SLIT3: variants seen among roughly 807,000 people sequenced by gnomAD.
The protein encoded by SLIT3 is slit guidance ligand 3.
A neutral mutation model predicts 184.0 loss-of-function variants in SLIT3; 68 were observed. The ratio of observed to expected loss-of-function variants is 0.37; its 90% confidence interval spans 0.30 to 0.45. The LOEUF (loss-of-function observed/expected upper bound fraction) is 0.45. SLIT3 is among the 20% of genes least tolerant of loss of function. The pLI is 1.00. For missense variants in SLIT3, 1,707 were observed against 2,026.0 expected, an observed-to-expected ratio of 0.84 and a Z score of 3.02; for synonymous variants, 831 against 828.6, an observed-to-expected ratio of 1.00 and a Z score of -0.05.
intron 4 of SLIT3, among the ~76,000 whole-genome samples, chr5:169,101,918 C>G (rs1411322268): frequency 6.6e-6 from 1 of 152,158 alleles, no homozygotes; most frequent in Admixed American, 6.5e-5. Flanking sequence ...TTTTAAACAT[C>G]CCCTCTACTC....
intron 35 of SLIT3, 59 bp from the exon 36 acceptor site, chr5:168,666,748 C>CAGTTCCCA (rs761860831): frequency 1.2e-6 from 2 of 1,611,508 alleles, no homozygotes; most frequent in African/African-American, 2.7e-5. Flanking sequence ...GGACCATGAG[C>CAGTTCCCA]AGTTCCCAGG....
chr5:169,205,421 C>A (rs935822401), intron 3 of SLIT3, among the ~76,000 whole-genome samples: 1 of 152,152 alleles, frequency 6.6e-6, no homozygotes, highest in Non-Finnish European at 1.5e-5. Flanking sequence ...TTTAATCTCC[C>A]TATGCCTTGG....
intron 3 of SLIT3, among the ~76,000 whole-genome samples, chr5:169,224,300 C>A (rs1764719524): frequency 6.6e-6 from 1 of 152,034 alleles, no homozygotes; most frequent in Non-Finnish European, 1.5e-5. Flanking sequence ...AGGAGATCAC[C>A]CAGCTTACCA....
At chr5:169,065,039 G>A (rs1271198915) in intron 4 of SLIT3, among the ~76,000 whole-genome samples, 1 of 152,184 alleles carries the variant, frequency 6.6e-6, no homozygotes, top group Non-Finnish European at 1.5e-5. Flanking sequence ...GAAATTATTA[G>A]TATGGTCCTT....
intron 3 of SLIT3, among the ~76,000 whole-genome samples, chr5:169,223,088 T>C (rs535074661): frequency 6.6e-6 from 1 of 152,182 alleles, no homozygotes; most frequent in Non-Finnish European, 1.5e-5. Context: ...AGTCCGGATT[T>C]TTTTTTCCTG....
At chr5:169,041,865 G>A (rs74331743) in intron 4 of SLIT3, among the ~76,000 whole-genome samples, 5 of 152,232 alleles carry the variant, frequency 3.3e-5, no homozygotes, top group East Asian at 1.9e-4. Context: ...GCAATCAGAC[G>A]CATGAAAGAT....
intron 26 of SLIT3, among the ~76,000 whole-genome samples, chr5:168,704,503 G>A (rs1762319532): frequency 6.6e-6 from 1 of 152,172 alleles, no homozygotes; most frequent in African/African-American, 2.4e-5. Context: ...AGATAGCTGA[G>A]CTCTGGTTGT....
intron 4 of SLIT3, among the ~76,000 whole-genome samples, chr5:169,103,150 C>T (rs976525486): frequency 5.9e-5 from 9 of 152,200 alleles, no homozygotes; most frequent in Non-Finnish European, 2.9e-5. Context: ...TTATTCTTCC[C>T]ATTTTACAGA....
intron 20 of SLIT3, among the ~76,000 whole-genome samples, chr5:168,735,469 C>T (rs1001551818): frequency 1.3e-5 from 2 of 152,096 alleles, no homozygotes; most frequent in Admixed American, 1.3e-4. Context: ...AGCTGTGTGA[C>T]CCTGGGTGAA....
chr5:169,287,877 T>C (rs1767211841), intron 1 of SLIT3, among the ~76,000 whole-genome samples: 1 of 152,144 alleles, frequency 6.6e-6, no homozygotes, highest in Non-Finnish European at 1.5e-5. Context: ...AGGCACCAGG[T>C]GAGATCTCCA....
At chr5:168,763,373 T>C (rs1755226071) in intron 14 of SLIT3, among the ~76,000 whole-genome samples, 1 of 152,168 alleles carries the variant, frequency 6.6e-6, no homozygotes, top group South Asian at 2.1e-4. Context: ...GTTGCTTTTT[T>C]GTTGTTTTTT....
At chr5:168,815,088 A>G (rs1646775673) in intron 8 of SLIT3, among the ~76,000 whole-genome samples, 2 of 152,220 alleles carry the variant, frequency 1.3e-5, no homozygotes, top group African/African-American at 4.8e-5. Flanking sequence ...CTAAATTCTC[A>G]TGTTCTCAAA....
intron 4 of SLIT3, among the ~76,000 whole-genome samples, chr5:169,100,704 G>A (rs777121019): frequency 2.4e-4 from 37 of 152,272 alleles, no homozygotes; most frequent in Admixed American, 1.6e-3. Flanking sequence ...TGGTGGGAAG[G>A]CCAAGCAGAC....
chr5:169,222,515 T>C (rs1427681619), intron 3 of SLIT3, among the ~76,000 whole-genome samples: 1 of 151,982 alleles, frequency 6.6e-6, no homozygotes, highest in Admixed American at 6.6e-5. Context: ...AGGATTGTGA[T>C]GAAAGAAAAA....
At chr5:168,772,713 T>G (rs753728606) in intron 14 of SLIT3, 68 bp downstream of exon 14, 6 of 1,555,708 alleles carry the variant, frequency 3.9e-6, no homozygotes, top group Non-Finnish European at 5.3e-6. Flanking sequence ...CCAGATTGGA[T>G]TATTGGCCTC....
At chr5:168,810,953 C>G (rs2113642538) in intron 8 of SLIT3, among the ~76,000 whole-genome samples, 3 of 152,216 alleles carry the variant, frequency 2.0e-5, no homozygotes, top group Middle Eastern at 6.8e-3. Context: ...ATAACTCCCC[C>G]TGAAGTTATC....
At chr5:168,722,865 G>A in intron 22 of SLIT3, 68 bp downstream of exon 22, 1 of 1,200,510 alleles carries the variant, frequency 8.3e-7, no homozygotes, top group Non-Finnish European at 1.2e-6. Context: ...TGCTGGGAGG[G>A]AGGGAAAGAG....
intron 5 of SLIT3, among the ~76,000 whole-genome samples, chr5:168,849,842 A>G (rs2974425): frequency 0.55 from 83,457 of 152,094 alleles, 24,985 homozygotes; most frequent in African/African-American, 0.8. Context: ...AAAGAAAACC[A>G]GGGGAATCCC....
intron 4 of SLIT3, among the ~76,000 whole-genome samples, chr5:169,073,667 T>C (rs903049619): frequency 2.0e-5 from 3 of 152,092 alleles, no homozygotes; most frequent in Non-Finnish European, 4.4e-5. Context: ...GGGTGAGTTC[T>C]TGCCCTGAGT....
Sources: allele counts gnomAD v4.1 joint callset (sites outside exome capture counted in the v4.1 genomes callset), GRCh38; gene constraint gnomAD v4.1.1; transcripts MANE v1.5; gene names NCBI Gene and HGNC (gene_info 2026-07-23, HGNC 2026-07-21).